The following FAM53B variants were observed in gnomAD, a reference collection of about 807,000 sequenced individuals.
The protein encoded by FAM53B is protein FAM53B.
In FAM53B, 12 loss-of-function variants were observed where a neutral mutation model predicts 32.7. The ratio of observed to expected loss-of-function variants is 0.37; its 90% CI spans 0.24 to 0.59. The LOEUF is 0.59. FAM53B is among the 20% of genes least tolerant of loss of function. The pLI is 0.72. For missense variants in FAM53B, 477 were observed against 577.7 expected, an observed-to-expected ratio of 0.83 and a Z score of 1.79; for synonymous variants, 234 against 228.7, an observed-to-expected ratio of 1.02 and a Z score of -0.21.
At chr10:124,624,137 G>A (rs1418935955) in intron 4 of FAM53B, 1 of 153,362 alleles carries the variant, frequency 6.5e-6, no homozygotes, top group East Asian at 1.9e-4. Context: ...CATAACTGAC[G>A]CGCCGCGATA....
chr10:124,659,197 T>C (rs960205501), intron 4 of FAM53B, among the ~76,000 whole-genome samples: 1 of 152,216 alleles, frequency 6.6e-6, no homozygotes, highest in African/African-American at 2.4e-5. Context: ...AACTACCCTT[T>C]GGAGAATCGT....
intron 3 of FAM53B, among the ~76,000 whole-genome samples, chr10:124,689,840 A>T (rs1020155157): frequency 6.6e-6 from 1 of 152,222 alleles, no homozygotes; most frequent in Non-Finnish European, 1.5e-5. Context: ...AGGGGCCTCA[A>T]TCTCACCATC....
chr10:124,730,387 G>C (rs901418717), intron 1 of FAM53B, among the ~76,000 whole-genome samples: 1 of 152,226 alleles, frequency 6.6e-6, no homozygotes, highest in Admixed American at 6.5e-5. Context: ...CATGGTGGGG[G>C]CCTGCCAATG....
chr10:124,673,408 T>C (rs1949718958), intron 4 of FAM53B, among the ~76,000 whole-genome samples: 1 of 152,188 alleles, frequency 6.6e-6, no homozygotes, highest in African/African-American at 2.4e-5. Flanking sequence ...CATGAGAACT[T>C]GCCTCGGAAA....
intron 1 of FAM53B, 146 bp downstream of exon 1, chr10:124,743,867 T>A (rs1285680332): frequency 1.4e-5 from 2 of 147,562 alleles, no homozygotes; most frequent in East Asian, 2.0e-4. Flanking sequence ...CCAGCAACAT[T>A]AGGAAAAAAG....
intron 4 of FAM53B, among the ~76,000 whole-genome samples, chr10:124,628,894 C>T (rs1949373085): frequency 6.6e-6 from 1 of 152,250 alleles, no homozygotes; most frequent in South Asian, 2.1e-4. Flanking sequence ...CTGAGCCCAC[C>T]TCTTTCCTGG....
At chr10:124,666,493 T>G (rs1404937083) in intron 4 of FAM53B, among the ~76,000 whole-genome samples, 1 of 152,082 alleles carries the variant, frequency 6.6e-6, no homozygotes, top group South Asian at 2.1e-4. Flanking sequence ...GCAGGGGACA[T>G]GTGGGGACAA....
intron 3 of FAM53B, among the ~76,000 whole-genome samples, chr10:124,689,594 C>T (rs913960959): frequency 2.0e-5 from 3 of 152,242 alleles, no homozygotes; most frequent in African/African-American, 7.2e-5. Context: ...AATGCACCAT[C>T]AGGCCCCACA....
chr10:124,672,831 G>A (rs745679246), intron 4 of FAM53B, among the ~76,000 whole-genome samples: 15 of 152,202 alleles, frequency 9.9e-5, no homozygotes, highest in Non-Finnish European at 1.9e-4. Context: ...GGACTGGGGG[G>A]TAAGACAGTC....
chr10:124,629,240 A>T (rs1470080979), intron 4 of FAM53B, among the ~76,000 whole-genome samples: 1 of 151,928 alleles, frequency 6.6e-6, no homozygotes, highest in African/African-American at 2.4e-5. Flanking sequence ...CGGTGTCTTA[A>T]GTGTAGTGCC....
intron 1 of FAM53B, among the ~76,000 whole-genome samples, chr10:124,743,412 C>A (rs1004563143): frequency 1.3e-5 from 2 of 152,208 alleles, no homozygotes; most frequent in African/African-American, 4.8e-5. Context: ...CGGTGGCCTC[C>A]CCGCGGGCTT....
chr10:124,727,734 A>C (rs973001619), intron 1 of FAM53B, among the ~76,000 whole-genome samples: 2 of 152,080 alleles, frequency 1.3e-5, no homozygotes, highest in African/African-American at 4.8e-5. Context: ...TGAGAGAAGC[A>C]TGCTGCATAG....
intron 4 of FAM53B, among the ~76,000 whole-genome samples, chr10:124,656,035 C>T (rs1247695960): frequency 6.6e-6 from 1 of 152,236 alleles, no homozygotes. Context: ...TTCTGTTTTT[C>T]CTGCTCTACA....
At chr10:124,739,274 C>T (rs576594531) in intron 1 of FAM53B, among the ~76,000 whole-genome samples, 3 of 152,342 alleles carry the variant, frequency 2.0e-5, no homozygotes, top group Admixed American at 6.5e-5. Flanking sequence ...TTCTGCCTTC[C>T]GGCTATGTGG....
At chr10:124,693,598 G>C (rs1259769891) in intron 3 of FAM53B, among the ~76,000 whole-genome samples, 1 of 152,160 alleles carries the variant, frequency 6.6e-6, no homozygotes, top group Non-Finnish European at 1.5e-5. Flanking sequence ...CAGAGTGCAC[G>C]GGGTAAGGCT....
intron 4 of FAM53B, among the ~76,000 whole-genome samples, chr10:124,675,293 A>G (rs1949730184): frequency 6.6e-6 from 1 of 152,200 alleles, no homozygotes; most frequent in Non-Finnish European, 1.5e-5. Context: ...AAGGAAGGGA[A>G]GCAGGGAAGA....
chr10:124,706,956 C>A (rs887910154), intron 1 of FAM53B, 69 bp from the exon 2 acceptor site: 33 of 1,345,480 alleles, frequency 2.5e-5, no homozygotes, highest in Non-Finnish European at 2.6e-5. Flanking sequence ...AGTCACCCCT[C>A]CCACAGTACT....
intron 4 of FAM53B, among the ~76,000 whole-genome samples, chr10:124,666,199 A>C (rs1949671304): frequency 1.3e-5 from 2 of 152,224 alleles, no homozygotes; most frequent in African/African-American, 4.8e-5. Flanking sequence ...TCCCTCCCAG[A>C]AGGGTGGGGC....
chr10:124,663,846 G>A (rs1949649098), intron 4 of FAM53B, among the ~76,000 whole-genome samples: 1 of 152,024 alleles, frequency 6.6e-6, no homozygotes. Context: ...TCCAGAGACC[G>A]ATGCTACTGC....
Sources: gnomAD v4.1 joint callset for allele counts (sites outside exome capture counted in the v4.1 genomes callset) on GRCh38, gnomAD v4.1.1 for gene constraint, MANE v1.5 for transcripts, NCBI Gene and HGNC (gene_info 2026-07-23, HGNC 2026-07-21) for gene names.